The following BRWD1 variants were observed in gnomAD, a reference collection of about 807,000 sequenced individuals.
BRWD1 encodes bromodomain and WD repeat-containing protein 1.
BRWD1 carries 82 observed loss-of-function variants against 251.2 expected under a neutral mutation model. The observed-to-expected ratio is 0.33, with a 90% CI of 0.27 to 0.39. The LOEUF is 0.39. Among genes scored for constraint, BRWD1 ranks in the 10% least tolerant of loss-of-function variants. The pLI is 1.00. For synonymous variants in BRWD1, 918 were observed against 902.8 expected (o/e 1.02, Z -0.30); for missense variants, 2,233 against 2,711.6 (o/e 0.82, Z 3.92).
At chr21:39,295,456 G>C (rs1452651056) in intron 7 of BRWD1, among the ~76,000 whole-genome samples, 4 of 149,242 alleles carry the variant, frequency 2.7e-5, no homozygotes, top group Non-Finnish European at 6.0e-5. Context: ...CAAAGTGCTG[G>C]GATTACAGGC....
intron 21 of BRWD1, among the ~76,000 whole-genome samples, chr21:39,242,838 A>G (rs560610879): frequency 6.6e-6 from 1 of 152,216 alleles, no homozygotes; most frequent in African/African-American, 2.4e-5. Context: ...ACATCTATTT[A>G]CAGCATCATT....
chr21:39,203,435 G>GTTTTATTTTTTT, intron 37 of BRWD1, among the ~76,000 whole-genome samples: 1 of 139,442 alleles, frequency 7.2e-6, no homozygotes, highest in Admixed American at 7.4e-5. Flanking sequence ...CAAGACCCTG[G>GTTTTATTTTTTT]TTCTTTTTTT....
chr21:39,254,056 C>T (rs2034483009), intron 19 of BRWD1, among the ~76,000 whole-genome samples: 1 of 152,118 alleles, frequency 6.6e-6, no homozygotes, highest in African/African-American at 2.4e-5. Context: ...CACCTGAGGT[C>T]GGGAGTTCAA....
Position 39,194,384 on chromosome 21 carries a change from T to C in BRWD1, c.*1875A>G, listed in dbSNP as rs2031704708. On this transcript the variant is annotated 3_prime_UTR_variant, in exon 41 of 41. Transcript: ENST00000342449. ...TAATGGATTTGACATCTATCACCAG[T>C]TTTTAAAATTAGCAAAGTAAAAGGC... 1 of 1,108,638 alleles carries C rather than the reference T, an allele frequency of 9.0e-7. No individual in the cohort carries two copies. 68.7% of individuals were successfully genotyped at this position (1,108,638 alleles called of 1,614,324 possible). A position where few individuals can be genotyped will look rare whatever the true frequency, so the allele number is the denominator to read the frequency against.
chr21:39,280,379 C>T, intron 8 of BRWD1, 131 bp from the exon 9 acceptor site: 1 of 660,944 alleles, frequency 1.5e-6, no homozygotes, highest in Non-Finnish European at 2.6e-6. Context: ...ATAGGTAATA[C>T]TACCGTAGTG....
At chr21:39,209,825 G>A (rs6517527) in intron 36 of BRWD1, 170 bp downstream of exon 36, 187,658 of 593,460 alleles carry the variant, frequency 0.32, 32,519 homozygotes, top group Middle Eastern at 0.39. Context: ...AGCTATATGA[G>A]CAGTAGCAGA....
chr21:39,241,473 TAAAAAAAAAAAAAAAAAAAAAAAAAAAA>T lies in BRWD1; in HGVS notation c.2482-2928_2482-2901del, dbSNP rs61488970. On this transcript the variant is annotated intron_variant, in intron 21 of 40. Coordinates refer to ENST00000342449, the MANE Select transcript of BRWD1 (RefSeq NM_033656.4). ...ACAGAGCAAGATTCCATCTCCAAAG[TAAAAAAAAAAAAAAAAAAAAAAAAAAAA>T]AAAAAAAAAAAAAAGATTTAAAAAT... is the stretch of plus-strand genomic sequence containing the variant. Among the ~76,000 whole-genome samples, 19 of 44,920 alleles carry T rather than the reference TAAAAAAAAAAAAAAAAAAAAAAAAAAAA, an allele frequency of 4.2e-4. 1 individual carries two copies. In the East Asian group the frequency reaches 8.1e-3, roughly 19 times the overall value. 29.5% of individuals were successfully genotyped at this position (44,920 alleles called of 152,430 possible). A position where few individuals can be genotyped will look rare whatever the true frequency, so the allele number is the denominator to read the frequency against.
upstream of BRWD1, chr21:39,313,734 C>G (rs1392187749): frequency 5.1e-6 from 2 of 388,980 alleles, no homozygotes; most frequent in Non-Finnish European, 9.2e-6. Context: ...GACCGGAGCT[C>G]GTGTCCCGCC....
chr21:39,297,293 A>G (rs1413977192), intron 5 of BRWD1: 4 of 985,484 alleles, frequency 4.1e-6, no homozygotes, highest in Non-Finnish European at 4.8e-6. Flanking sequence ...TGCATTTTAC[A>G]TGAATGGATT....
chr21:39,258,008 A>G (rs969156230), intron 18 of BRWD1, among the ~76,000 whole-genome samples: 2 of 152,210 alleles, frequency 1.3e-5, no homozygotes, highest in Middle Eastern at 3.2e-3. Context: ...GACTAGAAAC[A>G]AAGTAAATAG....
chr21:39,225,230 C>A, intron 27 of BRWD1, 33 bp from the exon 28 acceptor site: 2 of 1,423,534 alleles, frequency 1.4e-6, no homozygotes, highest in Non-Finnish European at 2.0e-6. Flanking sequence ...TGAGGCATTT[C>A]TCTGCTAACA....
chr21:39,312,968 C>CGGCG (rs2036553563), intron 3 of BRWD1, 68 bp from the exon 4 acceptor site: 12 of 531,626 alleles, frequency 2.3e-5, no homozygotes, highest in Non-Finnish European at 2.4e-5. Flanking sequence ...GGCGGGGGGC[C>CGGCG]GGGGGCGGGC....
chr21:39,279,638 C>CAAAAAAAAAAAAAAAAAA (rs77282416), intron 9 of BRWD1, among the ~76,000 whole-genome samples: 23 of 66,548 alleles, frequency 3.5e-4, no homozygotes, highest in South Asian at 1.1e-3. Context: ...GACTCCATCT[C>CAAAAAAAAAAAAAAAAAA]AAAAAAAAAA....
intron 36 of BRWD1, among the ~76,000 whole-genome samples, chr21:39,207,179 A>G (rs941661273): frequency 6.6e-6 from 1 of 152,156 alleles, no homozygotes; most frequent in African/African-American, 2.4e-5. Flanking sequence ...TCATGCCTAT[A>G]ATCCCAGTAC....
chr21:39,292,117 GGGGGT>G (rs1222807788), intron 8 of BRWD1, among the ~76,000 whole-genome samples: 5 of 43,286 alleles, frequency 1.2e-4, no homozygotes, highest in African/African-American at 3.0e-4. Context: ...ATTTTTTGTG[GGGGGT>G]GGGTGGGGGT....
chr21:39,242,172 T>C (rs2034027054), intron 21 of BRWD1, among the ~76,000 whole-genome samples: 1 of 152,248 alleles, frequency 6.6e-6, no homozygotes, highest in Admixed American at 6.5e-5. Context: ...TTGCACCAAG[T>C]AGCCAAGTTG....
chr21:39,269,850 T>C (rs372497925), intron 15 of BRWD1, 49 bp downstream of exon 15: 46 of 1,394,272 alleles, frequency 3.3e-5, no homozygotes, highest in African/African-American at 4.4e-5. Flanking sequence ...ACCCAAATAC[T>C]CTAAACAAAT....
upstream of BRWD1, chr21:39,313,637 C>G (rs1303506126): frequency 7.6e-6 from 4 of 523,702 alleles, no homozygotes; most frequent in East Asian, 4.1e-5. Flanking sequence ...CCGCCTGGAC[C>G]GACGCCTCCG....
chr21:39,276,326 CTT>C, intron 11 of BRWD1, 113 bp from the exon 12 acceptor site: 1 of 783,028 alleles, frequency 1.3e-6, no homozygotes, highest in Non-Finnish European at 1.9e-6. Flanking sequence ...AAAATTTGCA[CTT>C]GTGTTGCTTA....
Sources: gnomAD v4.1 joint callset for allele counts (sites outside exome capture counted in the v4.1 genomes callset) on GRCh38, gnomAD v4.1.1 for gene constraint, MANE v1.5 for transcripts, NCBI Gene and HGNC (gene_info 2026-07-23, HGNC 2026-07-21) for gene names.